Variants in LRP1B observed in about 807,000 individuals in gnomAD.
LRP1B encodes LDL receptor related protein 1B, also known as low-density lipoprotein receptor-related protein 1B.
A neutral mutation model predicts 556.6 loss-of-function variants in LRP1B; 217 were observed. The ratio of observed to expected loss-of-function variants is 0.39; its 90% CI spans 0.35 to 0.44. The LOEUF is 0.44. Among genes scored for constraint, LRP1B ranks in the 20% least tolerant of loss-of-function variants. The probability of loss-of-function intolerance (pLI) is 1.00; values close to 1 mark genes in which losing one functional copy is unlikely to be tolerated. For synonymous variants in LRP1B, 2,047 were observed against 1,865.8 expected (o/e 1.10, Z -2.50); for missense variants, 5,053 against 5,620.8 (o/e 0.90, Z 3.23).
intron 3 of LRP1B, among the ~76,000 whole-genome samples, chr2:141,290,504 T>C (rs1026181664): frequency 6.6e-6 from 1 of 152,134 alleles, no homozygotes; most frequent in Admixed American, 6.5e-5. Context: ...GCTATTGATA[T>C]AACAATAAAT....
chr2:141,223,746 G>A (rs1033168868), intron 6 of LRP1B, among the ~76,000 whole-genome samples: 3 of 152,118 alleles, frequency 2.0e-5, no homozygotes, highest in Non-Finnish European at 4.4e-5. Flanking sequence ...ACAACCATTA[G>A]ATCTTTGACA....
intron 3 of LRP1B, among the ~76,000 whole-genome samples, chr2:141,452,159 C>T (rs1043490470): frequency 6.6e-6 from 1 of 152,006 alleles, no homozygotes; most frequent in Non-Finnish European, 1.5e-5. Flanking sequence ...CAAAATTATT[C>T]CCACAATTTG....
intron 2 of LRP1B, among the ~76,000 whole-genome samples, chr2:141,531,481 T>C (rs1028305516): frequency 6.6e-6 from 1 of 152,080 alleles, no homozygotes; most frequent in Non-Finnish European, 1.5e-5. Context: ...AAATCGACTG[T>C]GTCATGTACA....
chr2:140,812,296 G>A (rs142283058), intron 32 of LRP1B, among the ~76,000 whole-genome samples: 1 of 152,058 alleles, frequency 6.6e-6, no homozygotes, highest in East Asian at 1.9e-4. Flanking sequence ...TGTGATATAG[G>A]CAGATATTTT....
intron 5 of LRP1B, among the ~76,000 whole-genome samples, chr2:141,240,635 A>G (rs1169104362): frequency 6.6e-6 from 1 of 152,174 alleles, no homozygotes; most frequent in Admixed American, 6.6e-5. Context: ...CACATTCTAA[A>G]TTGAGGATTT....
In LRP1B at chr2:142,030,120, C is replaced by T. The variant is rs147523208; in HGVS notation, c.82+100528G>A. The stretch of plus-strand genomic sequence containing the variant: ...TGCATCTATATGGTGATCATATATG[C>T]GTGTATTCTACATGTGTATATTTCT... On this transcript the variant is annotated intron_variant, in intron 1 of 90. Coordinates refer to ENST00000389484, the MANE Select transcript of LRP1B (RefSeq NM_018557.3). 3.5e-3 allele frequency among the ~76,000 whole-genome samples: 537 copies of T among 151,366 alleles called. 3 individuals carry two copies. Among genetic ancestry groups the T allele is most frequent in the African/African-American group, 0.012 (479 of 41,316 alleles).
chr2:141,672,505 G>A (rs575319756), intron 2 of LRP1B, among the ~76,000 whole-genome samples: 1 of 152,282 alleles, frequency 6.6e-6, no homozygotes, highest in East Asian at 1.9e-4. Context: ...CAAATCCTTT[G>A]TGATTGCAGG....
Position 140,495,572 on chromosome 2 carries a change from C to A in LRP1B, c.9027G>T (p.Ser3009=), listed in dbSNP as rs746525979. The change falls in exon 56 of 91, where the codon TCG becomes TCT. Residue 3009 remains serine (S), a synonymous_variant. Transcript: ENST00000389484. ...IQPDNPNGCK[S]LSDEEPFLIL... ...GCAAGTTCAATTCGATACCTGAGAG[C>A]GATTTGCAGCCATTTGGGTTATCAG... 7 of 1,579,216 alleles carry A rather than the reference C, an allele frequency of 4.4e-6. No individual in the cohort carries two copies. The highest frequency in any genetic ancestry group is 1.7e-5 in the Admixed American group (1 of 59,652).
At chr2:141,960,702 A>G (rs1338171523) in intron 1 of LRP1B, among the ~76,000 whole-genome samples, 1 of 151,874 alleles carries the variant, frequency 6.6e-6, no homozygotes, top group Non-Finnish European at 1.5e-5. Flanking sequence ...ATTATAACAT[A>G]TCATTCTCCA....
chr2:141,195,182 A>C (rs982956670), intron 6 of LRP1B, among the ~76,000 whole-genome samples: 16 of 152,010 alleles, frequency 1.1e-4, no homozygotes, highest in Non-Finnish European at 2.4e-4. Flanking sequence ...CTCTCTTTGG[A>C]TCACTCACTC....
At chr2:140,324,967 T>TTTAACTTCCCTGTGTTATTAAA (rs1419770414) in intron 80 of LRP1B, among the ~76,000 whole-genome samples, 1 of 151,974 alleles carries the variant, frequency 6.6e-6, no homozygotes, top group Non-Finnish European at 1.5e-5. Context: ...TTGTTTTTCT[T>TTTAACTTCCCTGTGTTATTAAA]TTAACTTCCC....
chr2:141,544,982 C>A (rs146340742), intron 2 of LRP1B, among the ~76,000 whole-genome samples: 1,652 of 152,128 alleles, frequency 0.011, 14 homozygotes, highest in Middle Eastern at 0.017. Context: ...TATCATTCCC[C>A]GTTAAGTGTT....
chr2:141,585,939 A>G (rs1414071820), intron 2 of LRP1B, among the ~76,000 whole-genome samples: 2 of 151,278 alleles, frequency 1.3e-5, no homozygotes, highest in East Asian at 1.9e-4. Context: ...GCTTGTCGCG[A>G]ACTCCTGGAC....
In LRP1B at chr2:140,234,778, T is replaced by C. The variant is rs78797806; in HGVS notation, c.13659+8A>G. ...ACGGACATGAAATAACGAATATTCTTCTCTCACCCCAGCAGTTAGTGGTCC... is the reference window on the plus strand; with the variant it reads ...ACGGACATGAAATAACGAATATTCTCCTCTCACCCCAGCAGTTAGTGGTCC... On this transcript the variant is annotated splice_region_variant and intron_variant, in intron 90 of 90. Coordinates refer to ENST00000389484, the MANE Select transcript of LRP1B (RefSeq NM_018557.3). The C allele has an allele frequency of 0.06, 46,268 of 772,822 alleles. 1,984 individuals are homozygous for C. Among genetic ancestry groups the C allele is most frequent in the Middle Eastern group, 0.19 (817 of 4,366 alleles). 47.9% of individuals were successfully genotyped at this position (772,822 alleles called of 1,614,324 possible).
intron 2 of LRP1B, among the ~76,000 whole-genome samples, chr2:141,491,646 A>G (rs1049965605): frequency 1.3e-5 from 2 of 152,086 alleles, no homozygotes; most frequent in Non-Finnish European, 2.9e-5. Context: ...AGTTCCACAC[A>G]ACTCTCAGAG....
At chr2:142,036,552 T>C (rs776551717) in intron 1 of LRP1B, among the ~76,000 whole-genome samples, 1 of 151,680 alleles carries the variant, frequency 6.6e-6, no homozygotes, top group South Asian at 2.1e-4. Context: ...TATTCTTAAA[T>C]TTTTAAAAAC....
At chr2:140,478,180 C>T (rs11896567) in intron 59 of LRP1B, among the ~76,000 whole-genome samples, 6,730 of 137,986 alleles carry the variant, frequency 0.049, 200 homozygotes, top group African/African-American at 0.051. Flanking sequence ...GAAGGAGCCT[C>T]GCTCTGTTGC....
intron 1 of LRP1B, among the ~76,000 whole-genome samples, chr2:141,990,958 T>G (rs1366669961): frequency 6.6e-6 from 1 of 152,060 alleles, no homozygotes; most frequent in Non-Finnish European, 1.5e-5. Context: ...CAACATCACT[T>G]GAAGATTCAG....
At chr2:141,251,847 A>G (rs73962882) in intron 4 of LRP1B, among the ~76,000 whole-genome samples, 32,702 of 151,966 alleles carry the variant, frequency 0.22, 3,605 homozygotes, top group South Asian at 0.25. Context: ...GAGAGAATAA[A>G]GAAGAAATTG....
Sources: gnomAD v4.1 joint callset for allele counts (sites outside exome capture counted in the v4.1 genomes callset) on GRCh38, gnomAD v4.1.1 for gene constraint, MANE v1.5 for transcripts, NCBI Gene and HGNC (gene_info 2026-07-23, HGNC 2026-07-21) for gene names.